Variants in PTK2 observed in about 807,000 individuals in gnomAD.
PTK2 encodes protein tyrosine kinase 2, also known as focal adhesion kinase 1.
Under a neutral mutation model 150.1 loss-of-function variants are expected in PTK2, and 45 were observed. The ratio of observed to expected loss-of-function variants is 0.30; its 90% CI spans 0.24 to 0.38. PTK2 has a LOEUF of 0.38. Among genes scored for constraint, PTK2 ranks in the 10% least tolerant of loss-of-function variants. The probability of loss-of-function intolerance (pLI) is 1.00; values close to 1 mark genes in which losing one functional copy is unlikely to be tolerated. For synonymous variants in PTK2, 432 were observed against 449.2 expected (o/e 0.96, Z 0.48); for missense variants, 919 against 1,307.3 (o/e 0.70, Z 4.58).
At chr8:140,860,111 C>T (rs1254957686) in intron 5 of PTK2, among the ~76,000 whole-genome samples, 1 of 152,114 alleles carries the variant, frequency 6.6e-6, no homozygotes. Context: ...GCATTTAATG[C>T]TGTTAATACC....
intron 14 of PTK2, among the ~76,000 whole-genome samples, chr8:140,780,020 A>G (rs912461648): frequency 1.3e-5 from 2 of 152,214 alleles, no homozygotes; most frequent in African/African-American, 4.8e-5. Flanking sequence ...AGAAAATCTC[A>G]AAGAATGACA....
intron 8 of PTK2, among the ~76,000 whole-genome samples, chr8:140,828,584 A>G (rs2100113361): frequency 6.6e-6 from 1 of 152,180 alleles, no homozygotes; most frequent in Non-Finnish European, 1.5e-5. Flanking sequence ...CCTGACCAAT[A>G]CTACTAATGT....
intron 2 of PTK2, among the ~76,000 whole-genome samples, chr8:140,916,870 A>G (rs2100165466): frequency 6.6e-6 from 1 of 152,136 alleles, no homozygotes. Context: ...AAGTTATTTA[A>G]TCTCTCAGTA....
In PTK2 at chr8:140,999,553, T is replaced by C. The variant is rs60614019; in HGVS notation, c.-122+1572A>G. ...AATATCATAGGGCTTTTCTAATTAA[T>C]TGGCTAGTATAACTGGATGAAAATA... On this transcript the variant is annotated intron_variant, in intron 1 of 31. Transcript: ENST00000522684. Among the ~76,000 whole-genome samples the C allele has an allele frequency of 1.9e-3, 296 of 152,316 alleles. 2 individuals carry two copies. Among genetic ancestry groups the C allele is most frequent in the African/African-American group, 6.9e-3 (286 of 41,568 alleles).
At chr8:140,744,711 C>T in exon 19 of PTK2, 2 of 1,605,240 alleles carry the variant, frequency 1.2e-6, no homozygotes, top group South Asian at 1.1e-5. Flanking sequence ...GATAGGCATA[C>T]AGGATCAAAG....
chr8:140,727,903 T>G (rs182052203), intron 22 of PTK2, among the ~76,000 whole-genome samples: 1 of 151,994 alleles, frequency 6.6e-6, no homozygotes, highest in Non-Finnish European at 1.5e-5. Flanking sequence ...TTTAGAAAAG[T>G]AGAGAAAGAC....
intron 7 of PTK2, among the ~76,000 whole-genome samples, chr8:140,832,150 C>A (rs139133633): frequency 0.016 from 2,372 of 152,268 alleles, 30 homozygotes; most frequent in Admixed American, 0.029. Flanking sequence ...GCCTCCCAGG[C>A]TTCGAGCGAT....
chr8:140,699,435 A>T (rs1299156828), intron 26 of PTK2, among the ~76,000 whole-genome samples: 2 of 152,226 alleles, frequency 1.3e-5, no homozygotes, highest in Non-Finnish European at 2.9e-5. Flanking sequence ...GTGTCAAGTA[A>T]CATACAGAGA....
At chr8:140,989,735 C>G (rs1255726563) in intron 1 of PTK2, among the ~76,000 whole-genome samples, 1 of 151,776 alleles carries the variant, frequency 6.6e-6, no homozygotes, top group East Asian at 1.9e-4. Context: ...ATACAGAAAC[C>G]TCATCTCTAC....
chr8:140,698,723 T>C (rs574391689), intron 26 of PTK2, among the ~76,000 whole-genome samples: 3 of 152,190 alleles, frequency 2.0e-5, no homozygotes, highest in Non-Finnish European at 4.4e-5. Context: ...CAAGTAATTC[T>C]TCTGCCTCAG....
At chr8:140,915,793 T>C (rs1194717846) in intron 2 of PTK2, among the ~76,000 whole-genome samples, 4 of 151,994 alleles carry the variant, frequency 2.6e-5, no homozygotes, top group Non-Finnish European at 5.9e-5. Flanking sequence ...TCCCAGCTAC[T>C]TGGGAGGCTG....
At chr8:140,991,383 CCATA>C (rs1273275798) in intron 1 of PTK2, among the ~76,000 whole-genome samples, 5 of 152,168 alleles carry the variant, frequency 3.3e-5, no homozygotes, top group African/African-American at 9.7e-5. Flanking sequence ...AGTCCAGGAG[CCATA>C]CAAACTGCTA....
intron 19 of PTK2, among the ~76,000 whole-genome samples, chr8:140,744,280 T>A (rs1192454674): frequency 6.6e-6 from 1 of 152,098 alleles, no homozygotes. Context: ...CAGGACAATA[T>A]TTGTTTTAGA....
intron 30 of PTK2, 69 bp downstream of exon 34, chr8:140,668,200 A>G: frequency 3.2e-6 from 5 of 1,580,794 alleles, no homozygotes; most frequent in Non-Finnish European, 3.5e-6. Context: ...AGAGACATCT[A>G]TCAACTGGCA....
intron 5 of PTK2, among the ~76,000 whole-genome samples, chr8:140,857,105 T>A (rs940904051): frequency 6.6e-6 from 1 of 152,228 alleles, no homozygotes; most frequent in African/African-American, 2.4e-5. Context: ...AAGCCATTGA[T>A]CAGAGTGATC....
intron 4 of PTK2, among the ~76,000 whole-genome samples, chr8:140,867,760 A>G (rs1240192000): frequency 2.0e-5 from 3 of 152,208 alleles, no homozygotes; most frequent in African/African-American, 7.2e-5. Context: ...AGTTAAAAAG[A>G]ACTTTGTTCC....
At chr8:140,709,431 T>C (rs1430373358) in intron 23 of PTK2, among the ~76,000 whole-genome samples, 2 of 152,202 alleles carry the variant, frequency 1.3e-5, no homozygotes, top group Non-Finnish European at 2.9e-5. Flanking sequence ...CCAACAGCCA[T>C]GGAGAGTGCA....
chr8:140,797,091 A>T (rs920360250), intron 12 of PTK2, among the ~76,000 whole-genome samples: 1 of 152,130 alleles, frequency 6.6e-6, no homozygotes, highest in East Asian at 1.9e-4. Flanking sequence ...GAGTACTCCT[A>T]AACTGTCTTC....
intron 16 of PTK2, among the ~76,000 whole-genome samples, chr8:140,759,942 G>A (rs2100068426): frequency 6.6e-6 from 1 of 151,206 alleles, no homozygotes; most frequent in Non-Finnish European, 1.5e-5. Context: ...ATAAATCCAG[G>A]GCCGGGCACG....
Sources: gnomAD v4.1 joint callset for allele counts (sites outside exome capture counted in the v4.1 genomes callset) on GRCh38, gnomAD v4.1.1 for gene constraint, MANE v1.5 for transcripts, NCBI Gene and HGNC (gene_info 2026-07-23, HGNC 2026-07-21) for gene names.